The following CDYL variants were observed in gnomAD, a reference collection of about 807,000 sequenced individuals.
CDYL encodes the protein chromodomain Y-like protein.
Under a neutral mutation model 47.3 loss-of-function variants are expected in CDYL, and 8 were observed. The ratio of observed to expected loss-of-function variants is 0.17; its 90% CI spans 0.10 to 0.31. The LOEUF (loss-of-function observed/expected upper bound fraction) is 0.31, where lower values mean the gene tolerates loss of function less well. Among genes scored for constraint, CDYL ranks in the 10% least tolerant of loss-of-function variants. The pLI, the probability that CDYL is intolerant of heterozygous loss-of-function variation, is 1.00. For synonymous variants in CDYL, 266 were observed against 265.0 expected (o/e 1.00, Z -0.04); for missense variants, 471 against 701.4 (o/e 0.67, Z 3.71).
At chr6:4,790,168 C>G (rs918192594) in intron 1 of CDYL, among the ~76,000 whole-genome samples, 2 of 152,184 alleles carry the variant, frequency 1.3e-5, no homozygotes, top group African/African-American at 4.8e-5. Flanking sequence ...GCTATTTACT[C>G]TTTCAGTAAG....
intron 2 of CDYL, among the ~76,000 whole-genome samples, chr6:4,716,130 C>T (rs1757256266): frequency 6.6e-6 from 1 of 151,978 alleles, no homozygotes; most frequent in Non-Finnish European, 1.5e-5. Flanking sequence ...TGCCTGTAGT[C>T]CCAGCTACTC....
rs142523174 is a variant in CDYL, at chr6:4,947,330, C to T, written c.1332+3574C>T. ...GCTGGACTTCAAAGTTGGGGGCATTCACCCAGAAGCGCCTATACCAAGTTC... is the reference window on the plus strand; with the variant it reads ...GCTGGACTTCAAAGTTGGGGGCATTTACCCAGAAGCGCCTATACCAAGTTC... On this transcript the variant is annotated intron_variant, in intron 5 of 6. Transcript: ENST00000397588. Among the ~76,000 whole-genome samples the T allele has an allele frequency of 2.0e-3, 305 of 152,292 alleles. 2 individuals carry two copies. The highest frequency in any genetic ancestry group is 7.1e-3 in the African/African-American group (294 of 41,574).
intron 3 of CDYL, among the ~76,000 whole-genome samples, chr6:4,756,059 T>C (rs1032175052): frequency 6.6e-6 from 1 of 152,154 alleles, no homozygotes; most frequent in Non-Finnish European, 1.5e-5. Flanking sequence ...TGATTTTCCT[T>C]TCTTCCTTCC....
intron 1 of CDYL, among the ~76,000 whole-genome samples, chr6:4,864,326 G>A (rs1158292316): frequency 6.6e-6 from 1 of 152,162 alleles, no homozygotes; most frequent in African/African-American, 2.4e-5. Flanking sequence ...TGGCAGGTAT[G>A]TCTAAACCAC....
At position 4,955,017 on chromosome 6, in the gene CDYL, TTTTA is replaced by T. The variant is rs1394344403; in HGVS notation, c.*966_*969del. 7.9e-5 allele frequency: 12 copies of T among 152,594 alleles called. 1 individual carries two copies. Among genetic ancestry groups the T allele is most frequent in the South Asian group, 4.1e-4 (2 of 4,826 alleles). 9.5% of individuals were successfully genotyped at this position (152,594 alleles called of 1,614,324 possible). On this transcript the variant is annotated 3_prime_UTR_variant, in exon 7 of 7. Coordinates refer to ENST00000397588, the MANE Select transcript of CDYL (RefSeq NM_004824.4). Reference sequence around the variant, plus strand: ...AATTTTTAGGTTCACTTAGAATATATTTTATTTAATAAGTTAAAATTCTTTTGGC... The same window carrying T: ...AATTTTTAGGTTCACTTAGAATATATTTTAATAAGTTAAAATTCTTTTGGC...
intron 2 of CDYL, among the ~76,000 whole-genome samples, chr6:4,918,076 AATTG>A (rs1226429381): frequency 6.6e-6 from 1 of 152,232 alleles, no homozygotes; most frequent in Non-Finnish European, 1.5e-5. Flanking sequence ...ATTAGATTGT[AATTG>A]ATCAGTTGTC....
At chr6:4,763,243 TG>T (rs1381274091) in intron 3 of CDYL, among the ~76,000 whole-genome samples, 1 of 152,176 alleles carries the variant, frequency 6.6e-6, no homozygotes, top group Non-Finnish European at 1.5e-5. Flanking sequence ...AAATATTAGA[TG>T]TTTTTATAGC....
chr6:4,911,376 A>G (rs1460956330), intron 2 of CDYL, among the ~76,000 whole-genome samples: 3 of 152,240 alleles, frequency 2.0e-5, no homozygotes, highest in African/African-American at 7.2e-5. Context: ...GCTCTCACAC[A>G]TACATGCGCA....
chr6:4,934,760 G>T (rs1416139902), intron 2 of CDYL, among the ~76,000 whole-genome samples: 1 of 152,094 alleles, frequency 6.6e-6, no homozygotes, highest in Non-Finnish European at 1.5e-5. Context: ...CCAGGAGTTT[G>T]AGACCAGCCT....
At chr6:4,856,124 A>AACAC (rs1298956888) in intron 1 of CDYL, among the ~76,000 whole-genome samples, 3 of 152,226 alleles carry the variant, frequency 2.0e-5, no homozygotes, top group Non-Finnish European at 4.4e-5. Flanking sequence ...GGTATCTAAA[A>AACAC]ACACCAGGGT....
chr6:4,931,777 G>A (rs1191286927), intron 2 of CDYL, among the ~76,000 whole-genome samples: 1 of 152,202 alleles, frequency 6.6e-6, no homozygotes, highest in Admixed American at 6.5e-5. Context: ...TCTGAAATGA[G>A]CAGGGACCTC....
At chr6:4,869,347 T>TG (rs1458987160) in intron 1 of CDYL, among the ~76,000 whole-genome samples, 1 of 152,122 alleles carries the variant, frequency 6.6e-6, no homozygotes, top group East Asian at 1.9e-4. Flanking sequence ...CCACTCGCCT[T>TG]GGCCTCCCAA....
intron 2 of CDYL, among the ~76,000 whole-genome samples, chr6:4,725,522 C>T (rs2127412157): frequency 6.6e-6 from 1 of 152,370 alleles, no homozygotes; most frequent in Non-Finnish European, 1.5e-5. Flanking sequence ...AAGTCGAGCA[C>T]AGCAGCTGCT....
At chr6:4,722,710 C>T (rs1158789891) in intron 2 of CDYL, among the ~76,000 whole-genome samples, 1 of 152,130 alleles carries the variant, frequency 6.6e-6, no homozygotes, top group Non-Finnish European at 1.5e-5. Context: ...AACTCCATCT[C>T]TACTAAAAAT....
intron 2 of CDYL, 74 bp downstream of exon 2, chr6:4,892,453 T>TA (rs1452721927): frequency 4.1e-6 from 6 of 1,466,084 alleles, no homozygotes; most frequent in Non-Finnish European, 5.5e-6. Flanking sequence ...AGATCAGGCC[T>TA]TGAGCTGGGC....
intron 2 of CDYL, among the ~76,000 whole-genome samples, chr6:4,897,261 T>G (rs979476936): frequency 6.6e-6 from 1 of 152,262 alleles, no homozygotes; most frequent in Non-Finnish European, 1.5e-5. Context: ...CAAATAGGTG[T>G]AAACCTTATC....
At chr6:4,910,985 C>T (rs1453266254) in intron 2 of CDYL, among the ~76,000 whole-genome samples, 1 of 152,166 alleles carries the variant, frequency 6.6e-6, no homozygotes, top group African/African-American at 2.4e-5. Context: ...AGGCGCCTGC[C>T]ACCACGCCCG....
intron 2 of CDYL, among the ~76,000 whole-genome samples, chr6:4,919,321 G>A (rs1023233234): frequency 5.9e-5 from 9 of 152,010 alleles, no homozygotes; most frequent in Non-Finnish European, 1.2e-4. Context: ...AAAAAAAGAA[G>A]TAAGAGTTTG....
intron 1 of CDYL, among the ~76,000 whole-genome samples, chr6:4,870,570 C>T (rs1369879490): frequency 1.3e-5 from 2 of 152,196 alleles, no homozygotes; most frequent in East Asian, 1.9e-4. Flanking sequence ...TATTTTTAGC[C>T]ATTATTTCTT....
Sources: allele counts gnomAD v4.1 joint callset (sites outside exome capture counted in the v4.1 genomes callset), GRCh38; gene constraint gnomAD v4.1.1; transcripts MANE v1.5; gene names NCBI Gene and HGNC (gene_info 2026-07-23, HGNC 2026-07-21).